The following VEGFC variants were observed in gnomAD, a reference collection of about 807,000 sequenced individuals.
VEGFC encodes the protein vascular endothelial growth factor C.
A neutral mutation model predicts 46.1 loss-of-function variants in VEGFC; 12 were observed. The ratio of observed to expected loss-of-function variants is 0.26; its 90% CI spans 0.17 to 0.42. VEGFC has a LOEUF of 0.42. Among genes scored for constraint, VEGFC ranks in the 10% least tolerant of loss-of-function variants. The pLI is 1.00. For synonymous variants in VEGFC, 232 were observed against 195.5 expected (o/e 1.19, Z -1.56); for missense variants, 488 against 529.4 (o/e 0.92, Z 0.77).
intron 1 of VEGFC, among the ~76,000 whole-genome samples, chr4:176,744,915 T>C (rs1432302686): frequency 1.3e-5 from 2 of 152,084 alleles, no homozygotes; most frequent in African/African-American, 2.4e-5. Flanking sequence ...TATTACATTA[T>C]TTCTACGCTA....
intron 1 of VEGFC, among the ~76,000 whole-genome samples, chr4:176,775,055 T>C (rs1334159996): frequency 7.2e-5 from 11 of 152,174 alleles, no homozygotes; most frequent in African/African-American, 2.7e-4. Context: ...ACAGGTATTA[T>C]AACAATCTAC....
intron 1 of VEGFC, among the ~76,000 whole-genome samples, chr4:176,737,275 T>A (rs1735071969): frequency 1.9e-5 from 1 of 53,350 alleles, no homozygotes; most frequent in African/African-American, 3.4e-5. Flanking sequence ...ATATAGAATA[T>A]GTTTATAATA....
In VEGFC at chr4:176,792,233, C is replaced by A. The variant is rs752893880; in HGVS notation, c.79G>T (p.Ala27Ser). 5.8e-6 allele frequency: 9 copies of A among 1,554,706 alleles called. No homozygotes were observed. Among genetic ancestry groups the A allele is most frequent in the Non-Finnish European group, 6.1e-6 (7 of 1,153,938 alleles). Residue 27 changes from alanine (A) to serine (S), a missense_variant, in exon 1 of 7, where the codon GCC (alanine) becomes TCC (serine). Coordinates refer to ENST00000618562, the MANE Select transcript of VEGFC (RefSeq NM_005429.5). This position sits in a 1 kb window ranked among gnomAD's most constrained non-coding sequence, Gnocchi z 6.3. ...ALLPGPREAP[A>S]AAAAFESGLD... ...CCGGACTCGAAGGCGGCGGCGGCGG[C>A]GGGCGCCTCGCGAGGACCCGGGAGC...
At chr4:176,771,705 G>A (rs1355102648) in intron 1 of VEGFC, among the ~76,000 whole-genome samples, 1 of 152,192 alleles carries the variant, frequency 6.6e-6, no homozygotes, top group Admixed American at 6.5e-5. Context: ...CACTTGGAAG[G>A]AGGAACCACT....
intron 1 of VEGFC, among the ~76,000 whole-genome samples, chr4:176,762,537 T>C (rs113827957): frequency 0.019 from 2,959 of 152,282 alleles, 81 homozygotes; most frequent in African/African-American, 0.067. Flanking sequence ...CTATTTTTCA[T>C]CATGTACCCA....
chr4:176,702,090 A>G (rs1245962039), intron 4 of VEGFC, among the ~76,000 whole-genome samples: 1 of 152,178 alleles, frequency 6.6e-6, no homozygotes, highest in Non-Finnish European at 1.5e-5. Flanking sequence ...TAGACCAAAA[A>G]CACGGAGACC....
chr4:176,732,026 C>A (rs1283018909), intron 1 of VEGFC, among the ~76,000 whole-genome samples: 2 of 151,498 alleles, frequency 1.3e-5, no homozygotes, highest in East Asian at 3.9e-4. Flanking sequence ...TACTCTTAGG[C>A]TGAAAAAGGC....
chr4:176,740,093 TCTATAC>T (rs1735135094), intron 1 of VEGFC, among the ~76,000 whole-genome samples: 1 of 18,044 alleles, frequency 5.5e-5, no homozygotes, highest in Non-Finnish European at 1.2e-3. Context: ...TTCTATATAT[TCTATAC>T]ATATATTCTA....
At chr4:176,779,553 T>G (rs930080758) in intron 1 of VEGFC, among the ~76,000 whole-genome samples, 4 of 152,220 alleles carry the variant, frequency 2.6e-5, no homozygotes, top group African/African-American at 7.2e-5. Context: ...CTACTCTTTC[T>G]GTGAGCACCC....
intron 3 of VEGFC, among the ~76,000 whole-genome samples, chr4:176,714,521 C>G (rs1207438704): frequency 6.6e-6 from 1 of 152,182 alleles, no homozygotes; most frequent in Non-Finnish European, 1.5e-5. Context: ...AATAAGTAAG[C>G]ACAGCAGGAT....
chr4:176,734,398 A>G (rs1403766858), intron 1 of VEGFC, among the ~76,000 whole-genome samples: 1 of 151,898 alleles, frequency 6.6e-6, no homozygotes, highest in Non-Finnish European at 1.5e-5. Context: ...TGTAATAAAT[A>G]AATTAGTTAT....
At chr4:176,700,245 C>T (rs1326270973) in intron 4 of VEGFC, among the ~76,000 whole-genome samples, 1 of 152,012 alleles carries the variant, frequency 6.6e-6, no homozygotes, top group Non-Finnish European at 1.5e-5. Flanking sequence ...GGCGAAACCC[C>T]ATCTCTACTA....
At chr4:176,695,716 T>C (rs898147585) in intron 4 of VEGFC, among the ~76,000 whole-genome samples, 6 of 151,870 alleles carry the variant, frequency 4.0e-5, no homozygotes, top group Admixed American at 1.3e-4. Flanking sequence ...TGAACATTGA[T>C]GCAAAAATCC....
chr4:176,768,470 CAAGT>C (rs976103007), intron 1 of VEGFC, among the ~76,000 whole-genome samples: 4 of 65,254 alleles, frequency 6.1e-5, no homozygotes, highest in Non-Finnish European at 1.2e-4. Flanking sequence ...TAAATGCTGC[CAAGT>C]AAGAGGATGT....
At chr4:176,728,072 T>A in intron 2 of VEGFC, 104 bp from the exon 3 acceptor site, 1 of 884,420 alleles carries the variant, frequency 1.1e-6, no homozygotes, top group Non-Finnish European at 1.7e-6. Context: ...TTTTAACATT[T>A]AAGTTCAATA....
At chr4:176,695,895 T>C (rs1734303307) in intron 4 of VEGFC, among the ~76,000 whole-genome samples, 1 of 151,462 alleles carries the variant, frequency 6.6e-6, no homozygotes, top group Admixed American at 6.6e-5. Context: ...CATGATTATC[T>C]CAATAGATGC....
intron 3 of VEGFC, among the ~76,000 whole-genome samples, chr4:176,725,427 C>G (rs1381676201): frequency 6.6e-6 from 1 of 152,162 alleles, no homozygotes; most frequent in East Asian, 1.9e-4. Flanking sequence ...CCTCTGCCTC[C>G]TCAGCAGCTG....
chr4:176,752,134 G>T (rs1168455102), intron 1 of VEGFC, among the ~76,000 whole-genome samples: 3 of 151,856 alleles, frequency 2.0e-5, no homozygotes, highest in Admixed American at 2.0e-4. Context: ...TTTTTGAGCT[G>T]TATCTTTTCT....
At chr4:176,739,996 A>G (rs377078252) in intron 1 of VEGFC, among the ~76,000 whole-genome samples, 14 of 15,606 alleles carry the variant, frequency 9.0e-4, no homozygotes, top group African/African-American at 1.1e-3. Context: ...TATATTCGAT[A>G]TATCGAATAT....
Sources: allele counts gnomAD v4.1 joint callset (sites outside exome capture counted in the v4.1 genomes callset), GRCh38; gene constraint gnomAD v4.1.1; non-coding constraint Gnocchi (gnomAD v3.1); transcripts MANE v1.5; gene names NCBI Gene and HGNC (gene_info 2026-07-23, HGNC 2026-07-21).